ABI1: variants seen among roughly 807,000 people sequenced by gnomAD.
ABI1 encodes abl interactor 1, also known as Abelson interactor 1.
Under a neutral mutation model 54.6 loss-of-function variants are expected in ABI1, and 14 were observed. The observed-to-expected ratio is 0.26, with a 90% CI of 0.17 to 0.40. The LOEUF is 0.40. ABI1 is among the 10% of genes least tolerant of loss of function. The pLI is 1.00. For synonymous variants in ABI1, 194 were observed against 209.3 expected, an observed-to-expected ratio of 0.93 and a Z score of 0.63; for missense variants, 443 against 598.3, an observed-to-expected ratio of 0.74 and a Z score of 2.71.
At chr10:26,834,548 A>AAAAC (rs1466967512) in intron 1 of ABI1, among the ~76,000 whole-genome samples, 64 of 138,546 alleles carry the variant, frequency 4.6e-4, no homozygotes, top group African/African-American at 1.5e-3. Context: ...AGACATACAA[A>AAAAC]ACACACACAC....
At chr10:26,840,357 C>G (rs1029408646) in intron 1 of ABI1, among the ~76,000 whole-genome samples, 1 of 152,220 alleles carries the variant, frequency 6.6e-6, no homozygotes, top group Non-Finnish European at 1.5e-5. Flanking sequence ...AAGCACTCAT[C>G]AGAAGCAGAT....
chr10:26,815,478 TAAAG>T (rs2047504777), intron 2 of ABI1, among the ~76,000 whole-genome samples: 1 of 152,084 alleles, frequency 6.6e-6, no homozygotes, highest in African/African-American at 2.4e-5. Flanking sequence ...CATAATTAAA[TAAAG>T]AAGAAAAATA....
chr10:26,782,435 CAA>C (rs1032195660), intron 2 of ABI1, among the ~76,000 whole-genome samples: 7 of 152,000 alleles, frequency 4.6e-5, no homozygotes, highest in Non-Finnish European at 7.4e-5. Flanking sequence ...AGAAGACAGG[CAA>C]ATAGAGGCCA....
In ABI1 at chr10:26,823,302, T is replaced by C; in HGVS notation, c.121A>G (p.Thr41Ala). The C allele has an allele frequency of 6.6e-7, 1 of 1,512,294 alleles. No individual in the cohort carries two copies. The highest frequency in any genetic ancestry group is 8.8e-7 in the Non-Finnish European group (1 of 1,139,334). 93.7% of individuals were successfully genotyped at this position (1,512,294 alleles called of 1,614,324 possible). A position where few individuals can be genotyped will look rare whatever the true frequency, so the allele number is the denominator to read the frequency against. The change falls in exon 2 of 11, where the codon ACA becomes GCA. Residue 41 changes from threonine to alanine, a missense_variant. This residue lies in a region of ABI1 where 394 missense variants were observed against 484.8 expected (regional missense o/e 0.81). Coordinates refer to ENST00000376140, the MANE Select transcript of ABI1 (RefSeq NM_001012750.3). ...DYCENNYIQATDKRKALEETK... is the reference protein window; with the variant it reads ...DYCENNYIQAADKRKALEETK... Reference sequence around the variant, plus strand: ...TCCTCTAAAGCTTTTCTCTTGTCTGTAGCCTGAAATAAGAACAAAAACAAC... The same window carrying C: ...TCCTCTAAAGCTTTTCTCTTGTCTGCAGCCTGAAATAAGAACAAAAACAAC...
intron 1 of ABI1, 132 bp from the exon 2 acceptor site, chr10:26,823,437 T>C: frequency 1.3e-6 from 1 of 743,842 alleles, no homozygotes; most frequent in Non-Finnish European, 2.0e-6. Context: ...ACCAATATGA[T>C]AGTCTCAGGA....
rs1035899819 is a variant in ABI1, at chr10:26,767,478, T to A, written c.719+1374A>T. Among the ~76,000 whole-genome samples the A allele has an allele frequency of 2.0e-5, 3 of 152,194 alleles. No homozygotes were observed. In the South Asian group the frequency reaches 6.2e-4, roughly 32 times the overall value. ...CTGAAGAATAAAACAAATTTGGTTA[T>A]ATAATAAATTTATCTGGTTTTATAA... On this transcript the variant is annotated intron_variant, in intron 6 of 10. Coordinates refer to ENST00000376140, the MANE Select transcript of ABI1 (RefSeq NM_001012750.3).
intron 6 of ABI1, among the ~76,000 whole-genome samples, chr10:26,766,285 C>A (rs983730143): frequency 3.3e-5 from 5 of 152,184 alleles, no homozygotes; most frequent in Admixed American, 3.3e-4. Flanking sequence ...CCTGTTAGCT[C>A]TAGGACCTGG....
chr10:26,837,346 A>G (rs922724690), intron 1 of ABI1, among the ~76,000 whole-genome samples: 5 of 152,068 alleles, frequency 3.3e-5, no homozygotes, highest in Admixed American at 6.6e-5. Context: ...TTCCTCTTTT[A>G]TAAGTACCCT....
chr10:26,809,377 G>C (rs563115316), intron 2 of ABI1, among the ~76,000 whole-genome samples: 1 of 151,308 alleles, frequency 6.6e-6, no homozygotes, highest in Non-Finnish European at 1.5e-5. Flanking sequence ...GGGAAACATA[G>C]TGAGACCCCA....
intron 1 of ABI1, among the ~76,000 whole-genome samples, chr10:26,835,206 G>A (rs1397082327): frequency 6.6e-6 from 1 of 151,958 alleles, no homozygotes; most frequent in Non-Finnish European, 1.5e-5. Flanking sequence ...ATGGAGAAAG[G>A]GGAATACCCA....
intron 1 of ABI1, among the ~76,000 whole-genome samples, chr10:26,838,309 A>C (rs1453115682): frequency 6.6e-6 from 1 of 152,126 alleles, no homozygotes; most frequent in Non-Finnish European, 1.5e-5. Flanking sequence ...GGCATGAGCC[A>C]CCGCACCCGG....
chr10:26,812,080 A>G (rs184650168), intron 2 of ABI1, among the ~76,000 whole-genome samples: 2 of 152,188 alleles, frequency 1.3e-5, no homozygotes, highest in East Asian at 1.9e-4. Flanking sequence ...CTGCTCTTCT[A>G]TGTCAAATCC....
At chr10:26,752,117 CTA>C (rs1837712192) in intron 9 of ABI1, among the ~76,000 whole-genome samples, 2 of 152,150 alleles carry the variant, frequency 1.3e-5, no homozygotes, top group Non-Finnish European at 2.9e-5. Flanking sequence ...TAAAATAAAT[CTA>C]TGTCACTTTT....
At chr10:26,762,758 G>A (rs1169236568) in intron 7 of ABI1, among the ~76,000 whole-genome samples, 1 of 152,190 alleles carries the variant, frequency 6.6e-6, no homozygotes, top group African/African-American at 2.4e-5. Context: ...CTTCATGAAA[G>A]GATCTTGGTA....
chr10:26,762,222 T>G (rs1431326248), intron 7 of ABI1, among the ~76,000 whole-genome samples: 1 of 152,140 alleles, frequency 6.6e-6, no homozygotes, highest in Non-Finnish European at 1.5e-5. Flanking sequence ...TTGCCCAGGC[T>G]GGTCTTGAAC....
chr10:26,823,674 G>A (rs138035393), intron 1 of ABI1, among the ~76,000 whole-genome samples: 20 of 152,238 alleles, frequency 1.3e-4, no homozygotes, highest in African/African-American at 4.8e-4. Context: ...CAATGAAATG[G>A]ACTAAATCCA....
At position 26,747,996 on chromosome 10, in the gene ABI1, G is replaced by A. The variant is rs915334764; in HGVS notation, c.*574C>T. 2.5e-5 allele frequency: 5 copies of A among 201,894 alleles called. No individual in the cohort carries two copies. The highest frequency in any genetic ancestry group is 1.2e-4 in the African/African-American group (5 of 43,340). The allele number at this position is 201,894 out of a possible 1,614,324, so 12.5% of individuals were successfully genotyped here. ...TCTCTTTTTGCTTGTTTCACATGGA[G>A]ACCTTGGAGACTCAATTCACGTTAA... On this transcript the variant is annotated 3_prime_UTR_variant, in exon 11 of 11. Transcript: ENST00000376140.
intron 4 of ABI1, 32 bp from the exon 5 acceptor site, chr10:26,770,377 A>C (rs1373577656): frequency 1.3e-6 from 2 of 1,577,494 alleles, no homozygotes; most frequent in Middle Eastern, 1.7e-4. Flanking sequence ...TTTTATTTTT[A>C]TATCAAATTG....
intron 2 of ABI1, among the ~76,000 whole-genome samples, chr10:26,815,035 C>T (rs1204071212): frequency 6.6e-6 from 1 of 152,032 alleles, no homozygotes; most frequent in Non-Finnish European, 1.5e-5. Flanking sequence ...TAAAAACACA[C>T]CACTCAACAG....
Sources: allele counts gnomAD v4.1 joint callset (sites outside exome capture counted in the v4.1 genomes callset), GRCh38; gene constraint gnomAD v4.1.1; regional missense constraint gnomAD v4.1.1; transcripts MANE v1.5; gene names NCBI Gene and HGNC (gene_info 2026-07-23, HGNC 2026-07-21).